The following SMAP2 variants were observed in gnomAD, a reference collection of about 807,000 sequenced individuals.
The protein encoded by SMAP2 is small ArfGAP2.
SMAP2 carries 25 observed loss-of-function variants against 56.4 expected under a neutral mutation model. The ratio of observed to expected loss-of-function variants is 0.44; its 90% CI spans 0.32 to 0.62. SMAP2 has a LOEUF of 0.62. Among genes scored for constraint, SMAP2 ranks in the 20% least tolerant of loss-of-function variants. The pLI is 0.04. For missense variants in SMAP2, 388 were observed against 545.6 expected, an observed-to-expected ratio of 0.71 and a Z score of 2.88; for synonymous variants, 157 against 181.7, an observed-to-expected ratio of 0.86 and a Z score of 1.09.
At chr1:40,398,780 A>G (rs1433677347) in intron 1 of SMAP2, among the ~76,000 whole-genome samples, 1 of 152,122 alleles carries the variant, frequency 6.6e-6, no homozygotes, top group Non-Finnish European at 1.5e-5. Flanking sequence ...CTGGGACTAC[A>G]GACATGTGCC....
At chr1:40,376,470 G>A (rs1042223606) in intron 1 of SMAP2, among the ~76,000 whole-genome samples, 13 of 151,974 alleles carry the variant, frequency 8.6e-5, no homozygotes, top group African/African-American at 3.1e-4. Context: ...GATGACAATG[G>A]GTCAGTCATC....
chr1:40,392,004 A>C (rs1353216675), intron 1 of SMAP2, among the ~76,000 whole-genome samples: 3 of 152,132 alleles, frequency 2.0e-5, no homozygotes, highest in Non-Finnish European at 4.4e-5. Context: ...TATCAGGTCC[A>C]CCTGGCTGAC....
chr1:40,416,961 G>T lies in SMAP2; in HGVS notation c.1029G>T (p.Met343Ile), dbSNP rs776983217. ...MAMPAGYMGG[M>I]QASMMGVPNG... is the part of the protein sequence containing the mutation. ...TGCCTGCAGGCTATATGGGTGGCATGCAGGCATCAATGATGGGTGTGCCGA... is the reference window on the plus strand; with the variant it reads ...TGCCTGCAGGCTATATGGGTGGCATTCAGGCATCAATGATGGGTGTGCCGA... Residue 343 changes from methionine to isoleucine, a missense_variant, in exon 9 of 10, where the codon ATG (methionine) becomes ATT (isoleucine). Physicochemically the swap from Met to Ile is conservative, Grantham distance 10. Transcript: ENST00000372718. The T allele has an allele frequency of 2.5e-6, 4 of 1,614,220 alleles. No homozygotes were observed. In the East Asian group the frequency reaches 6.7e-5, roughly 27 times the overall value.
chr1:40,412,997 T>G lies in SMAP2; in HGVS notation c.403-19T>G. On this transcript the variant is annotated intron_variant, in intron 4 of 9. Transcript: ENST00000372718. ...GTCACCTTGGGCCCTGTGTTCTTTG[T>G]CTTGTTAAATCATTATAGAAAGAAA... 1 of 1,584,864 alleles carries G rather than the reference T, an allele frequency of 6.3e-7. No individual in the cohort carries two copies. Among genetic ancestry groups the G allele is most frequent in the Non-Finnish European group, 8.6e-7 (1 of 1,160,630 alleles).
At chr1:40,413,129 T>TG in intron 5 of SMAP2, 27 bp downstream of exon 5, 1 of 1,541,394 alleles carries the variant, frequency 6.5e-7, no homozygotes, top group Non-Finnish European at 9.0e-7. Context: ...TTGCACTGTA[T>TG]GGACAGCCTC....
In SMAP2 at chr1:40,374,661, AG is replaced by A; in HGVS notation, c.103+441del. 6.5e-7 allele frequency: 1 copy of A among 1,545,030 alleles called. No individual in the cohort carries two copies. The highest frequency in any genetic ancestry group is 8.7e-7 in the Non-Finnish European group (1 of 1,144,684). On this transcript the variant is annotated intron_variant, in intron 1 of 9. Transcript: ENST00000372718. This position sits in a 1 kb window ranked among gnomAD's most constrained non-coding sequence, Gnocchi z 5.9. ...AGAGAGAATGACGAGGAGGAGGAGG[AG>A]GGAAGTGAGATGGCGGAAAGGAAAA...
chr1:40,379,918 A>G (rs1644580940), intron 1 of SMAP2, among the ~76,000 whole-genome samples: 1 of 152,222 alleles, frequency 6.6e-6, no homozygotes, highest in Non-Finnish European at 1.5e-5. Flanking sequence ...AGAGAGGCAG[A>G]GTAATGGAAG....
At chr1:40,387,839 C>T (rs988125378) in intron 1 of SMAP2, among the ~76,000 whole-genome samples, 7 of 133,630 alleles carry the variant, frequency 5.2e-5, no homozygotes, top group Admixed American at 1.5e-4. Flanking sequence ...CCTCGGCTTG[C>T]GGGGAGGTGT....
At chr1:40,388,037 C>T (rs1380108805) in intron 1 of SMAP2, among the ~76,000 whole-genome samples, 4 of 152,264 alleles carry the variant, frequency 2.6e-5, no homozygotes, top group South Asian at 4.1e-4. Context: ...CCAGCAGTGC[C>T]GGCCCACCGG....
At chr1:40,362,123 G>A (rs1231727263) in intron 1 of SMAP2, among the ~76,000 whole-genome samples, 1 of 152,182 alleles carries the variant, frequency 6.6e-6, no homozygotes, top group Non-Finnish European at 1.5e-5. Flanking sequence ...CTCGCTGTAG[G>A]AGAGGGCCAC....
intron 6 of SMAP2, 67 bp from the exon 7 acceptor site, chr1:40,415,205 C>T: frequency 8.0e-7 from 1 of 1,252,532 alleles, no homozygotes; most frequent in South Asian, 1.2e-5. Flanking sequence ...TGCTTTTTGT[C>T]TAGAATAGAA....
intron 1 of SMAP2, among the ~76,000 whole-genome samples, chr1:40,391,545 G>A (rs942504297): frequency 1.3e-5 from 2 of 152,118 alleles, no homozygotes; most frequent in African/African-American, 4.8e-5. Flanking sequence ...CTGGGATTGT[G>A]AGTTATGGAT....
Position 40,384,031 on chromosome 1 carries a change from G to C in SMAP2, c.103+9808G>C, listed in dbSNP as rs1644629271. On this transcript the variant is annotated intron_variant, in intron 1 of 9. Coordinates refer to ENST00000372718, the MANE Select transcript of SMAP2 (RefSeq NM_022733.3). ...CATGCCTCAGCCTTCCAAGTAGCTGGGATTATAGGTGTGTACCTCCATGCC... is the reference window on the plus strand; with the variant it reads ...CATGCCTCAGCCTTCCAAGTAGCTGCGATTATAGGTGTGTACCTCCATGCC... Among the ~76,000 whole-genome samples, 3 of 152,042 alleles carry C rather than the reference G, an allele frequency of 2.0e-5. No homozygotes were observed. The South Asian group carries it at 6.2e-4, about 32-fold the overall frequency.
At chr1:40,357,790 C>T (rs1644443347) in intron 1 of SMAP2, among the ~76,000 whole-genome samples, 7 of 152,038 alleles carry the variant, frequency 4.6e-5, no homozygotes, top group Admixed American at 4.6e-4. Flanking sequence ...TCTATATGTC[C>T]ATTTTTGTGC....
At chr1:40,367,947 G>C (rs1409714372) in intron 2 of SMAP2, among the ~76,000 whole-genome samples, 1 of 128,286 alleles carries the variant, frequency 7.8e-6, no homozygotes, top group African/African-American at 3.1e-5. Flanking sequence ...AAAATTGATA[G>C]ACCGCTAGCA....
At chr1:40,407,326 A>G (rs1644894913) in intron 2 of SMAP2, among the ~76,000 whole-genome samples, 1 of 152,152 alleles carries the variant, frequency 6.6e-6, no homozygotes, top group Non-Finnish European at 1.5e-5. Flanking sequence ...TCTCTACAAA[A>G]TAAAGAATTA....
intron 1 of SMAP2, among the ~76,000 whole-genome samples, chr1:40,376,206 C>T (rs547873157): frequency 2.4e-4 from 37 of 152,194 alleles, no homozygotes; most frequent in Non-Finnish European, 5.1e-4. Flanking sequence ...CCGCCTCAGC[C>T]TTCCAAAGTG....
intron 4 of SMAP2, among the ~76,000 whole-genome samples, chr1:40,410,172 G>A (rs1644921352): frequency 6.6e-6 from 1 of 152,094 alleles, no homozygotes; most frequent in African/African-American, 2.4e-5. Flanking sequence ...CGTGAGCCAG[G>A]GAGGTTGAGG....
chr1:40,384,153 T>C (rs963927808), intron 1 of SMAP2, among the ~76,000 whole-genome samples: 1 of 152,180 alleles, frequency 6.6e-6, no homozygotes, highest in Non-Finnish European at 1.5e-5. Flanking sequence ...CTACCCTCCT[T>C]GGCCTCCCAA....
Sources: gnomAD v4.1 joint callset for allele counts (sites outside exome capture counted in the v4.1 genomes callset) on GRCh38, gnomAD v4.1.1 for gene constraint, Gnocchi (gnomAD v3.1) non-coding constraint, MANE v1.5 for transcripts, NCBI Gene and HGNC (gene_info 2026-07-23, HGNC 2026-07-21) for gene names.